The following ZRANB3 variants were observed in gnomAD, a reference collection of about 807,000 sequenced individuals.
ZRANB3 encodes the protein zinc finger RANBP2-type containing 3, also known as DNA annealing helicase and endonuclease ZRANB3.
A neutral mutation model predicts 133.8 loss-of-function variants in ZRANB3; 125 were observed. The ratio of observed to expected loss-of-function variants is 0.93; its 90% CI spans 0.81 to 1.08. ZRANB3 has a LOEUF of 1.08. Among genes scored for constraint, ZRANB3 ranks in the 50% least tolerant of loss-of-function variants. ZRANB3 has a pLI of 0.00. For missense variants in ZRANB3, 1,229 were observed against 1,275.5 expected, an observed-to-expected ratio of 0.96 and a Z score of 0.56; for synonymous variants, 387 against 432.7, an observed-to-expected ratio of 0.89 and a Z score of 1.31.
intron 2 of ZRANB3, among the ~76,000 whole-genome samples, chr2:135,486,517 T>C (rs2104800568): frequency 6.6e-6 from 1 of 152,146 alleles, no homozygotes; most frequent in South Asian, 2.1e-4. Context: ...TGAAGTCTTT[T>C]TTTTTTTTTT....
In ZRANB3 at chr2:135,265,542, A is replaced by G. The variant is rs770854036; in HGVS notation, c.1531T>C (p.Phe511Leu). 3.2e-5 allele frequency: 51 copies of G among 1,612,516 alleles called. No homozygotes were observed. The South Asian group carries it at 4.9e-4, about 15-fold the overall frequency. The change falls in exon 12 of 21, where the codon TTC becomes CTC. Residue 511 changes from phenylalanine to leucine, a missense_variant. By Grantham distance (22) the Phe-to-Leu change is conservative. Transcript: ENST00000264159. ...SSEELRKEALFTHFEKEKQHD... is the reference protein window; with the variant it reads ...SSEELRKEALLTHFEKEKQHD... Reference sequence around the variant, plus strand: ...AAGGCATATAATCTTACGTGAGTGAACAAAGCTTCCTTCCTTAACTCTTCA... The same window carrying G: ...AAGGCATATAATCTTACGTGAGTGAGCAAAGCTTCCTTCCTTAACTCTTCA...
chr2:135,419,215 G>C (rs931966543), intron 2 of ZRANB3, among the ~76,000 whole-genome samples: 5 of 151,814 alleles, frequency 3.3e-5, no homozygotes, highest in African/African-American at 1.2e-4. Flanking sequence ...GGGATTACAG[G>C]CCTGAGCCAC....
intron 12 of ZRANB3, among the ~76,000 whole-genome samples, chr2:135,253,758 T>C (rs868717205): frequency 8.5e-5 from 13 of 152,338 alleles, no homozygotes; most frequent in African/African-American, 3.1e-4. Flanking sequence ...AGCTCCATTA[T>C]AACCTTATGA....
intron 12 of ZRANB3, among the ~76,000 whole-genome samples, chr2:135,261,963 C>A (rs965720014): frequency 6.6e-6 from 1 of 151,954 alleles, no homozygotes; most frequent in Non-Finnish European, 1.5e-5. Flanking sequence ...AGCTGGAGAC[C>A]AGCCTGGGCA....
chr2:135,484,813 C>T (rs1407335146), intron 2 of ZRANB3, among the ~76,000 whole-genome samples: 1 of 151,678 alleles, frequency 6.6e-6, no homozygotes, highest in Admixed American at 6.6e-5. Flanking sequence ...GTGGGCAGAT[C>T]ACTTGAGGTC....
intron 6 of ZRANB3, among the ~76,000 whole-genome samples, chr2:135,329,712 G>A (rs1365619498): frequency 6.6e-6 from 1 of 152,162 alleles, no homozygotes; most frequent in African/African-American, 2.4e-5. Context: ...TCTTCCATTT[G>A]TTTGTGTCCT....
At chr2:135,358,970 T>C (rs1180978596) in intron 3 of ZRANB3, among the ~76,000 whole-genome samples, 4 of 151,684 alleles carry the variant, frequency 2.6e-5, no homozygotes, top group Non-Finnish European at 4.4e-5. Context: ...TGCCTGTCTC[T>C]TCTCCTTGTT....
In ZRANB3 at chr2:135,254,754, C is replaced by CT. The variant is rs1264922835; in HGVS notation, c.1539+10779dup. 4.9e-3 allele frequency among the ~76,000 whole-genome samples: 730 copies of CT among 149,898 alleles called. 8 individuals are homozygous for CT. Among genetic ancestry groups the CT allele is most frequent in the African/African-American group, 0.017 (684 of 40,872 alleles). On this transcript the variant is annotated intron_variant, in intron 12 of 20. Coordinates refer to ENST00000264159, the MANE Select transcript of ZRANB3 (RefSeq NM_032143.4). ...CCCCTGTTTAATTGTAGAACATTTT[C>CT]TTTTTTTTTTCTTTGAGACAGAGTC...
At chr2:135,443,069 T>C (rs1054987260) in intron 2 of ZRANB3, among the ~76,000 whole-genome samples, 1 of 144,158 alleles carries the variant, frequency 6.9e-6, no homozygotes, top group African/African-American at 2.6e-5. Context: ...TGAGCCAAGA[T>C]CCCGCCACTG....
intron 3 of ZRANB3, among the ~76,000 whole-genome samples, chr2:135,373,368 G>C (rs1018579638): frequency 2.6e-5 from 4 of 152,144 alleles, no homozygotes; most frequent in African/African-American, 9.7e-5. Flanking sequence ...TGGCAATATA[G>C]AGGTAGTGAT....
intron 2 of ZRANB3, among the ~76,000 whole-genome samples, chr2:135,474,965 G>C (rs1026963497): frequency 6.6e-6 from 1 of 152,070 alleles, no homozygotes; most frequent in Non-Finnish European, 1.5e-5. Context: ...CACCACCCTT[G>C]CACTCCCATT....
rs769991501 is a variant in ZRANB3, at chr2:135,199,282, G to T, written c.*1060C>A. On this transcript the variant is annotated 3_prime_UTR_variant, in exon 21 of 21. Coordinates refer to ENST00000264159, the MANE Select transcript of ZRANB3 (RefSeq NM_032143.4). Reference sequence around the variant, plus strand: ...AAGACAAAGTGTATTTTGATAGTACGCTTAGTTTTTTTTTTTGTTTGTTTG... The same window carrying T: ...AAGACAAAGTGTATTTTGATAGTACTCTTAGTTTTTTTTTTTGTTTGTTTG... 1 of 149,042 alleles carries T rather than the reference G, an allele frequency of 6.7e-6. No homozygotes were observed. The highest frequency in any genetic ancestry group is 1.5e-5 in the Non-Finnish European group (1 of 67,608). The allele number at this position is 149,042 out of a possible 1,614,324, so 9.2% of individuals were successfully genotyped here.
chr2:135,404,927 C>A (rs571601415), intron 2 of ZRANB3, among the ~76,000 whole-genome samples: 72 of 152,220 alleles, frequency 4.7e-4, no homozygotes, highest in African/African-American at 1.6e-3. Flanking sequence ...AGCAAAATAA[C>A]CAGCTAACAT....
intron 1 of ZRANB3, among the ~76,000 whole-genome samples, chr2:135,516,761 C>T (rs1421376661): frequency 6.6e-6 from 1 of 152,094 alleles, no homozygotes; most frequent in African/African-American, 2.4e-5. Flanking sequence ...TGTGGTTGCT[C>T]TTCTCAAGGA....
At chr2:135,367,632 G>C (rs1685998368) in intron 3 of ZRANB3, among the ~76,000 whole-genome samples, 1 of 152,172 alleles carries the variant, frequency 6.6e-6, no homozygotes, top group Admixed American at 6.5e-5. Flanking sequence ...TCAAGGTAGA[G>C]TTTCCTGGGT....
At chr2:135,297,813 G>T (rs546797825) in intron 8 of ZRANB3, among the ~76,000 whole-genome samples, 15 of 152,288 alleles carry the variant, frequency 9.8e-5, no homozygotes, top group African/African-American at 3.6e-4. Context: ...TTATATTGTT[G>T]TAAGTTTACA....
intron 2 of ZRANB3, among the ~76,000 whole-genome samples, chr2:135,471,490 T>C (rs1007865881): frequency 6.6e-6 from 1 of 152,186 alleles, no homozygotes; most frequent in Non-Finnish European, 1.5e-5. Flanking sequence ...TTCACTGTGT[T>C]TCAGAGTTTT....
At chr2:135,455,337 T>A (rs568776829) in intron 2 of ZRANB3, among the ~76,000 whole-genome samples, 39 of 151,576 alleles carry the variant, frequency 2.6e-4, no homozygotes, top group African/African-American at 9.2e-4. Context: ...TACAGAAATG[T>A]GCCACCACGC....
intron 2 of ZRANB3, among the ~76,000 whole-genome samples, chr2:135,418,748 G>T (rs1688699044): frequency 1.3e-5 from 2 of 152,022 alleles, no homozygotes; most frequent in Admixed American, 6.6e-5. Context: ...AAGAGGCAGA[G>T]ATGAGAGCTT....
Sources: allele counts gnomAD v4.1 joint callset (sites outside exome capture counted in the v4.1 genomes callset), GRCh38; gene constraint gnomAD v4.1.1; transcripts MANE v1.5; gene names NCBI Gene and HGNC (gene_info 2026-07-23, HGNC 2026-07-21).